The following STARD10 variants were observed in gnomAD, a reference collection of about 807,000 sequenced individuals.
The protein encoded by STARD10 is START domain-containing protein 10.
STARD10 carries 24 observed loss-of-function variants against 36.0 expected under a neutral mutation model. The observed-to-expected ratio is 0.67, with a 90% CI of 0.48 to 0.94. STARD10 has a LOEUF of 0.94. STARD10 is among the 40% of genes least tolerant of loss of function. STARD10 has a pLI of 0.00. For missense variants in STARD10, 335 were observed against 396.6 expected, an observed-to-expected ratio of 0.84 and a Z score of 1.32; for synonymous variants, 156 against 161.9, an observed-to-expected ratio of 0.96 and a Z score of 0.28.
rs1357078493 is a variant in STARD10, at chr11:72,755,237, G to A, written c.631-95C>T. 4 of 1,430,718 alleles carry A rather than the reference G, an allele frequency of 2.8e-6. No homozygotes were observed. The South Asian group carries it at 4.1e-5, about 15-fold the overall frequency. 88.6% of individuals were successfully genotyped at this position (1,430,718 alleles called of 1,614,324 possible). On this transcript the variant is annotated intron_variant, in intron 6 of 6. Coordinates refer to ENST00000334805, the MANE Select transcript of STARD10 (RefSeq NM_006645.3). ...CGGCTCAGCCCCCAGCATCCTGACT[G>A]GCTCCCTTTCAAAACTTCACTCCTC...
intron 1 of STARD10, among the ~76,000 whole-genome samples, chr11:72,790,650 G>C (rs1859131861): frequency 6.6e-6 from 1 of 152,222 alleles, no homozygotes; most frequent in Admixed American, 6.5e-5. Flanking sequence ...ACCCTGAAAG[G>C]GCCAGAAAGA....
In STARD10 at chr11:72,759,217, G is replaced by A. The variant is rs376939295; in HGVS notation, c.355+17C>T. 5.5e-5 allele frequency: 89 copies of A among 1,613,568 alleles called. No homozygotes were observed. The highest frequency in any genetic ancestry group is 6.8e-5 in the Non-Finnish European group (80 of 1,179,766). On this transcript the variant is annotated intron_variant, in intron 3 of 6. Coordinates refer to ENST00000334805, the MANE Select transcript of STARD10 (RefSeq NM_006645.3). ...GGAGGCCAAGGGGACTGGGATCAGC[G>A]TGCTACGCCTGCTCACAGGAGTAAT...
intron 4 of STARD10, among the ~76,000 whole-genome samples, chr11:72,758,104 C>T (rs1858668440): frequency 6.6e-6 from 1 of 152,192 alleles, no homozygotes; most frequent in Non-Finnish European, 1.5e-5. Flanking sequence ...CTCAGAAAAG[C>T]CCCCAGTCTG....
chr11:72,780,213 G>C (rs1200721023), intron 2 of STARD10: 1 of 437,058 alleles, frequency 2.3e-6, no homozygotes, highest in Non-Finnish European at 4.7e-6. Flanking sequence ...GCGTTCCCAG[G>C]GTCCCAAACC....
chr11:72,768,392 G>A (rs1030258277), intron 2 of STARD10, among the ~76,000 whole-genome samples: 1 of 152,112 alleles, frequency 6.6e-6, no homozygotes, highest in African/African-American at 2.4e-5. Flanking sequence ...TCTTGCCTCT[G>A]GGTTTCTGGG....
At chr11:72,759,141 AGT>A in intron 3 of STARD10, 91 bp downstream of exon 3, 1 of 1,486,878 alleles carries the variant, frequency 6.7e-7, no homozygotes, top group Non-Finnish European at 9.1e-7. Flanking sequence ...TGGTCATGTG[AGT>A]AACCACAGGA....
At chr11:72,755,512 T>A in intron 6 of STARD10, 189 bp downstream of exon 6, 1 of 679,342 alleles carries the variant, frequency 1.5e-6, no homozygotes, top group Non-Finnish European at 2.7e-6. Flanking sequence ...GGTTTCACCA[T>A]GTTGGCCAGG....
chr11:72,778,154 T>C (rs1329231532), intron 2 of STARD10, among the ~76,000 whole-genome samples: 1 of 152,134 alleles, frequency 6.6e-6, no homozygotes, highest in Non-Finnish European at 1.5e-5. Flanking sequence ...AAAGAGTTAT[T>C]GATGGGGTTA....
At chr11:72,764,813 G>A (rs529506817) in intron 2 of STARD10, among the ~76,000 whole-genome samples, 14 of 152,332 alleles carry the variant, frequency 9.2e-5, no homozygotes, top group South Asian at 2.1e-4. Flanking sequence ...AGATGTTGCC[G>A]TCAGGTGTTG....
rs202222156 is a variant in STARD10, at chr11:72,759,249, C to T, written c.340G>A (p.Val114Met). The T allele has an allele frequency of 9.5e-5, 154 of 1,614,130 alleles. No individual in the cohort carries two copies. The highest frequency in any genetic ancestry group is 4.2e-4 in the Admixed American group (25 of 60,016). Residue 114 changes from valine (V) to methionine (M), a missense_variant, in exon 3 of 7, where the codon GTG becomes ATG. Coordinates refer to ENST00000334805, the MANE Select transcript of STARD10 (RefSeq NM_006645.3). Reference sequence around the variant, plus strand: ...GCCTGCTCACAGGAGTAATAGCCCACGTCAGCGTTGACTGTCAAGCGGGCG... The same window carrying T: ...GCCTGCTCACAGGAGTAATAGCCCATGTCAGCGTTGACTGTCAAGCGGGCG... ...DIARLTVNAD[V>M]GYYSWRCPKP...
At position 72,768,859 on chromosome 11, in the gene STARD10, A is replaced by G. The variant is rs55806368; in HGVS notation, c.208-9478T>C. 7.3e-3 allele frequency among the ~76,000 whole-genome samples: 1,114 copies of G among 152,342 alleles called. 21 individuals are homozygous for G. Among genetic ancestry groups the G allele is most frequent in the African/African-American group, 0.026 (1,069 of 41,582 alleles). ...GGGCCTGGCCTACAGCAGGCGCTCAATAAGGAGCTGTTCCTGAATGGAGGG... is the reference window on the plus strand; with the variant it reads ...GGGCCTGGCCTACAGCAGGCGCTCAGTAAGGAGCTGTTCCTGAATGGAGGG... On this transcript the variant is annotated intron_variant, in intron 2 of 6. Transcript: ENST00000334805.
rs1414400747 is a variant in STARD10, at chr11:72,793,747, C to A, written c.-986G>T. The A allele has an allele frequency of 6.6e-6, 1 of 152,212 alleles. No individual in the cohort carries two copies. The highest frequency in any genetic ancestry group is 2.4e-5 in the African/African-American group (1 of 41,452). 9.4% of individuals were successfully genotyped at this position (152,212 alleles called of 1,614,324 possible). On this transcript the variant is annotated 5_prime_UTR_variant, in exon 1 of 7. Transcript: ENST00000334805. ...TGTTTACAGCGGCCGCGAAGCCCCGCGTTTGCGCGTGCGCTTCCCGCCCGG... is the reference window on the plus strand; with the variant it reads ...TGTTTACAGCGGCCGCGAAGCCCCGAGTTTGCGCGTGCGCTTCCCGCCCGG...
intron 2 of STARD10, among the ~76,000 whole-genome samples, chr11:72,770,430 A>G (rs1858840449): frequency 6.6e-6 from 1 of 152,124 alleles, no homozygotes; most frequent in African/African-American, 2.4e-5. Context: ...GTTGGCCAGA[A>G]TGGTCTCAAA....
At chr11:72,767,151 G>A (rs1275572561) in intron 2 of STARD10, among the ~76,000 whole-genome samples, 1 of 152,160 alleles carries the variant, frequency 6.6e-6, no homozygotes, top group Non-Finnish European at 1.5e-5. Context: ...CTGATGGGGT[G>A]GGGCACAAAG....
chr11:72,779,030 G>A (rs1013741532), intron 2 of STARD10, among the ~76,000 whole-genome samples: 3 of 152,174 alleles, frequency 2.0e-5, no homozygotes, highest in Non-Finnish European at 1.5e-5. Flanking sequence ...CCAGGCCTGG[G>A]CTGGGTAGGG....
chr11:72,759,710 C>T (rs1400384269), intron 2 of STARD10, among the ~76,000 whole-genome samples: 1 of 152,184 alleles, frequency 6.6e-6, no homozygotes, highest in Non-Finnish European at 1.5e-5. Flanking sequence ...CCCCTGTGAG[C>T]TCCTCGTGGG....
chr11:72,759,091 G>A (rs1355748407), intron 3 of STARD10, 143 bp downstream of exon 3: 2 of 928,456 alleles, frequency 2.2e-6, no homozygotes, highest in East Asian at 5.3e-5. Context: ...TGGACAGGGA[G>A]GGCAGCTCTA....
Position 72,759,279 on chromosome 11 carries a change from C to T in STARD10, c.310G>A (p.Asp104Asn), listed in dbSNP as rs1489490715. ...GCGTTGACTGTCAAGCGGGCGATGT[C>T]AAAAGTCTCAATGACGTTGCTGTCC... ...KWDSNVIETF[D>N]IARLTVNADV... is the part of the protein sequence containing the mutation. The change falls in exon 3 of 7, where the codon GAC becomes AAC. Residue 104 changes from aspartate to asparagine, a missense_variant. Asp to Asn is a conservative substitution (Grantham distance 23). Coordinates refer to ENST00000334805, the MANE Select transcript of STARD10 (RefSeq NM_006645.3). 1 of 1,613,996 alleles carries T rather than the reference C, an allele frequency of 6.2e-7. No homozygotes were observed. The highest frequency in any genetic ancestry group is 1.3e-5 in the African/African-American group (1 of 74,890).
At position 72,757,775 on chromosome 11, in the gene STARD10, T is replaced by C; in HGVS notation, c.569A>G (p.Asp190Gly). 7 of 1,613,904 alleles carry C rather than the reference T, an allele frequency of 4.3e-6. No individual in the cohort carries two copies. Among genetic ancestry groups the C allele is most frequent in the Non-Finnish European group, 5.9e-6 (7 of 1,179,922 alleles). The change falls in exon 5 of 7, where the codon GAC becomes GGC. Residue 190 changes from aspartate to glycine, a missense_variant. Coordinates refer to ENST00000334805, the MANE Select transcript of STARD10 (RefSeq NM_006645.3). ...SCVITYLAQV[D>G]PKGSLPKWVV... is the part of the protein sequence containing the mutation. ...CAGGGCCAAGCCCTCACCTTTGGGG[T>C]CCACCTGGGCCAGGTAGGTGATGAC...
Sources: gnomAD v4.1 joint callset for allele counts (sites outside exome capture counted in the v4.1 genomes callset) on GRCh38, gnomAD v4.1.1 for gene constraint, MANE v1.5 for transcripts, NCBI Gene and HGNC (gene_info 2026-07-23, HGNC 2026-07-21) for gene names.